DLGAP1: variants seen among roughly 807,000 people sequenced by gnomAD.
DLGAP1 encodes disks large-associated protein 1.
A neutral mutation model predicts 90.8 loss-of-function variants in DLGAP1; 11 were observed. The observed-to-expected ratio is 0.12, with a 90% CI of 0.08 to 0.20. DLGAP1 has a LOEUF of 0.20. Ranked by LOEUF, DLGAP1 falls within the 10% of genes least tolerant of loss-of-function variation. The pLI, the probability that DLGAP1 is intolerant of heterozygous loss-of-function variation, is 1.00. For missense variants in DLGAP1, 1,050 were observed against 1,333.8 expected (o/e 0.79, Z 3.31); for synonymous variants, 558 against 540.7 (o/e 1.03, Z -0.44).
intron 4 of DLGAP1, among the ~76,000 whole-genome samples, chr18:3,866,188 G>A (rs1339004518): frequency 6.6e-6 from 1 of 152,192 alleles, no homozygotes; most frequent in Non-Finnish European, 1.5e-5. Flanking sequence ...TTTTAATGAA[G>A]GGCAGGGCAC....
chr18:4,217,299 G>C (rs2077978218), intron 1 of DLGAP1, among the ~76,000 whole-genome samples: 1 of 152,060 alleles, frequency 6.6e-6, no homozygotes, highest in South Asian at 2.1e-4. Context: ...TATCTTGGTT[G>C]TTTCTAAGGT....
At chr18:3,929,567 T>C (rs1418876447) in intron 3 of DLGAP1, among the ~76,000 whole-genome samples, 1 of 152,230 alleles carries the variant, frequency 6.6e-6, no homozygotes, top group Non-Finnish European at 1.5e-5. Context: ...ACAGGAAGCC[T>C]TACTATGCGT....
chr18:4,379,568 T>A (rs537141387), intron 1 of DLGAP1, among the ~76,000 whole-genome samples: 100 of 152,184 alleles, frequency 6.6e-4, no homozygotes, highest in African/African-American at 2.1e-3. Flanking sequence ...CCTGAATACA[T>A]CACACAAAAT....
At chr18:3,772,553 C>T (rs2064731405) in intron 5 of DLGAP1, among the ~76,000 whole-genome samples, 1 of 149,246 alleles carries the variant, frequency 6.7e-6, no homozygotes, top group Admixed American at 6.7e-5. Context: ...GTGTAGCTGC[C>T]TGTCGTCTTT....
At chr18:3,520,623 G>T (rs1249661772) in intron 10 of DLGAP1, among the ~76,000 whole-genome samples, 1 of 152,114 alleles carries the variant, frequency 6.6e-6, no homozygotes, top group Non-Finnish European at 1.5e-5. Flanking sequence ...GGGAAAGGGT[G>T]GTGGACTGCA....
chr18:3,598,706 G>A (rs1415717572), intron 7 of DLGAP1, among the ~76,000 whole-genome samples: 2 of 152,066 alleles, frequency 1.3e-5, no homozygotes, highest in African/African-American at 2.4e-5. Context: ...GACGTCAAGC[G>A]ATCTGCCTGC....
chr18:4,445,021 T>A (rs966578833), intron 1 of DLGAP1, among the ~76,000 whole-genome samples: 1 of 152,202 alleles, frequency 6.6e-6, no homozygotes, highest in Admixed American at 6.5e-5. Context: ...ACTACTAGTA[T>A]CATGAATCTG....
chr18:3,897,258 G>A (rs74705521), intron 3 of DLGAP1, among the ~76,000 whole-genome samples: 3,670 of 152,324 alleles, frequency 0.024, 67 homozygotes, highest in Middle Eastern at 0.068. Context: ...GCTCAAGGCC[G>A]TAGCTACTCA....
At chr18:3,673,782 G>C (rs913613250) in intron 7 of DLGAP1, among the ~76,000 whole-genome samples, 5 of 151,628 alleles carry the variant, frequency 3.3e-5, no homozygotes, top group African/African-American at 1.2e-4. Flanking sequence ...CTGACCTCAG[G>C]TGATCAGCCT....
At chr18:4,086,843 T>C (rs1463443222) in intron 2 of DLGAP1, among the ~76,000 whole-genome samples, 1 of 151,890 alleles carries the variant, frequency 6.6e-6, no homozygotes, top group Non-Finnish European at 1.5e-5. Context: ...ACTAGTTCTA[T>C]TACTTACTGA....
rs1439673032 is a variant in DLGAP1 at position 3,526,025 on chromosome 18, C to T, written c.2479+8169G>A. The stretch of plus-strand genomic sequence containing the variant: ...AGGTTAAACATATGGCACATTACAG[C>T]CGATTTCCTTTTCATTACTGCCACT... On this transcript the variant is annotated intron_variant, in intron 10 of 12. Coordinates refer to ENST00000315677, the MANE Select transcript of DLGAP1 (RefSeq NM_004746.4). This position sits in a 1 kb window ranked among gnomAD's most constrained non-coding sequence, Gnocchi z 4.7. 6.6e-6 allele frequency among the ~76,000 whole-genome samples: 1 copy of T among 152,166 alleles called. No individual in the cohort carries two copies. The highest frequency in any genetic ancestry group is 1.9e-4 in the East Asian group (1 of 5,196).
chr18:4,107,686 AAATT>A (rs59670479), intron 2 of DLGAP1, among the ~76,000 whole-genome samples: 3,411 of 152,354 alleles, frequency 0.022, 126 homozygotes, highest in African/African-American at 0.077. Context: ...TGTTAAAAAT[AAATT>A]GATTTATCTC....
At chr18:4,097,102 T>C (rs2075694285) in intron 2 of DLGAP1, among the ~76,000 whole-genome samples, 1 of 152,232 alleles carries the variant, frequency 6.6e-6, no homozygotes, top group Admixed American at 6.5e-5. Context: ...ATTATTCAAT[T>C]GAACAAACAC....
chr18:4,012,809 C>T (rs529286772), intron 2 of DLGAP1, among the ~76,000 whole-genome samples: 16 of 151,908 alleles, frequency 1.1e-4, no homozygotes, highest in South Asian at 8.3e-4. Context: ...AAGGATCCTC[C>T]TGCCTCAGCC....
At chr18:3,599,732 G>C (rs955297667) in intron 7 of DLGAP1, among the ~76,000 whole-genome samples, 38 of 152,066 alleles carry the variant, frequency 2.5e-4, no homozygotes, top group Non-Finnish European at 1.9e-4. Context: ...CGATTCCCCT[G>C]CCTCAGCCTC....
intron 7 of DLGAP1, among the ~76,000 whole-genome samples, chr18:3,720,895 A>AAAAAAAAAAAAAAAAAAG (rs2061953800): frequency 7.1e-6 from 1 of 140,408 alleles, no homozygotes; most frequent in African/African-American, 2.9e-5. Context: ...CTACAAAAAA[A>AAAAAAAAAAAAAAAAAAG]AAAAAAAAAA....
At chr18:3,558,895 G>A (rs1599232500) in intron 9 of DLGAP1, among the ~76,000 whole-genome samples, 2 of 152,204 alleles carry the variant, frequency 1.3e-5, no homozygotes, top group South Asian at 4.2e-4. Flanking sequence ...GAGAATACTT[G>A]CTGGTGGCAC....
At chr18:4,125,653 A>G (rs1248216475) in intron 2 of DLGAP1, among the ~76,000 whole-genome samples, 3 of 147,012 alleles carry the variant, frequency 2.0e-5, no homozygotes, top group African/African-American at 7.7e-5. Context: ...AAACAAACAA[A>G]CGAAAAACAA....
chr18:3,705,401 A>AC (rs2061402171), intron 7 of DLGAP1, among the ~76,000 whole-genome samples: 1 of 151,420 alleles, frequency 6.6e-6, no homozygotes, highest in Non-Finnish European at 1.5e-5. Context: ...TGTATGGTGC[A>AC]GTATTATAGT....
Sources: gnomAD v4.1 joint callset for allele counts (sites outside exome capture counted in the v4.1 genomes callset) on GRCh38, gnomAD v4.1.1 for gene constraint, Gnocchi (gnomAD v3.1) non-coding constraint, MANE v1.5 for transcripts, NCBI Gene and HGNC (gene_info 2026-07-23, HGNC 2026-07-21) for gene names.